The following GPRC6A variants were observed in gnomAD, a reference collection of about 807,000 sequenced individuals.
GPRC6A encodes G protein-coupled receptor family C group 6 member A.
Under a neutral mutation model 47.0 loss-of-function variants are expected in GPRC6A, and 54 were observed. That is an observed-to-expected ratio of 1.15 (90% CI 0.92 to 1.44). The LOEUF (loss-of-function observed/expected upper bound fraction) is 1.44, where lower values mean the gene tolerates loss of function less well. Among genes scored for constraint, GPRC6A ranks in the 40% most tolerant of loss-of-function variants. The pLI is 0.00. For missense variants in GPRC6A, 1,112 were observed against 1,105.5 expected (o/e 1.01, Z -0.08); for synonymous variants, 347 against 377.1 (o/e 0.92, Z 0.93).
intron 4 of GPRC6A, among the ~76,000 whole-genome samples, chr6:116,796,930 T>C (rs1011859022): frequency 6.6e-6 from 1 of 152,212 alleles, no homozygotes; most frequent in Admixed American, 6.5e-5. Context: ...ATGTGCACGA[T>C]GTGCAGGTTA....
intron 1 of GPRC6A, among the ~76,000 whole-genome samples, chr6:116,822,989 T>C (rs1773554155): frequency 6.6e-6 from 1 of 152,006 alleles, no homozygotes; most frequent in Admixed American, 6.6e-5. Context: ...GTCTCTGAAA[T>C]TCCTTTGAAG....
intron 4 of GPRC6A, among the ~76,000 whole-genome samples, chr6:116,796,307 T>C (rs1178013689): frequency 1.3e-5 from 2 of 152,000 alleles, no homozygotes; most frequent in Non-Finnish European, 2.9e-5. Context: ...CATTTTGAGT[T>C]TAAAATAAAA....
intron 1 of GPRC6A, among the ~76,000 whole-genome samples, chr6:116,818,874 A>G (rs575179337): frequency 6.6e-6 from 1 of 152,284 alleles, no homozygotes; most frequent in East Asian, 1.9e-4. Context: ...CTTTAAATGT[A>G]AATGGACTAA....
chr6:116,821,445 C>T (rs1381967043), intron 1 of GPRC6A, among the ~76,000 whole-genome samples: 2 of 152,096 alleles, frequency 1.3e-5, no homozygotes, highest in African/African-American at 4.8e-5. Flanking sequence ...CATCACGCTA[C>T]CTGACTTCAA....
At position 116,795,882 on chromosome 6, in the gene GPRC6A, A is replaced by C. The variant is rs189916740; in HGVS notation, c.1549-47T>G. On this transcript the variant is annotated intron_variant, in intron 4 of 5. Coordinates refer to ENST00000310357, the MANE Select transcript of GPRC6A (RefSeq NM_148963.4). Reference sequence around the variant, plus strand: ...AAATCACAAGTAAATTTGTAAAAAAAATTATCCTAATCGATTATCCTCGGC... The same window carrying C: ...AAATCACAAGTAAATTTGTAAAAAACATTATCCTAATCGATTATCCTCGGC... The C allele has an allele frequency of 1.0e-4, 138 of 1,316,472 alleles. 1 individual carries two copies. In the East Asian group the frequency reaches 2.2e-3, roughly 21 times the overall value. 81.5% of individuals were successfully genotyped at this position (1,316,472 alleles called of 1,614,324 possible).
intron 1 of GPRC6A, among the ~76,000 whole-genome samples, chr6:116,825,205 T>TATTCAACA (rs1271675087): frequency 6.6e-6 from 1 of 152,078 alleles, no homozygotes; most frequent in East Asian, 1.9e-4. Context: ...TCACCACTCT[T>TATTCAACA]ATTCAACATA....
chr6:116,822,813 A>G (rs1369638234), intron 1 of GPRC6A, among the ~76,000 whole-genome samples: 5 of 151,420 alleles, frequency 3.3e-5, no homozygotes, highest in Admixed American at 2.6e-4. Flanking sequence ...ATACAAATGT[A>G]ACTAACCTGT....
chr6:116,803,452 G>T (rs57484790), intron 3 of GPRC6A, among the ~76,000 whole-genome samples: 17,533 of 151,952 alleles, frequency 0.12, 1,303 homozygotes, highest in African/African-American at 0.22. Context: ...TCCATTTAAG[G>T]GGGAGTCTCT....
At chr6:116,804,424 A>G (rs576890109) in intron 3 of GPRC6A, among the ~76,000 whole-genome samples, 1 of 152,238 alleles carries the variant, frequency 6.6e-6, no homozygotes, top group Non-Finnish European at 1.5e-5. Flanking sequence ...TTAAGAATGT[A>G]TCATTGACTA....
intron 1 of GPRC6A, among the ~76,000 whole-genome samples, chr6:116,819,565 C>T (rs1334562706): frequency 2.1e-4 from 32 of 152,190 alleles, no homozygotes; most frequent in African/African-American, 4.6e-4. Flanking sequence ...CACTCAAAAC[C>T]GCTCAAATAC....
chr6:116,798,248 G>T lies in GPRC6A; in HGVS notation c.1548+2336C>A, dbSNP rs530236717. Among the ~76,000 whole-genome samples, 16 of 152,264 alleles carry T rather than the reference G, an allele frequency of 1.1e-4. No individual in the cohort carries two copies. The East Asian group carries it at 2.9e-3, about 28-fold the overall frequency. On this transcript the variant is annotated intron_variant, in intron 4 of 5. Transcript: ENST00000310357. ...TTGCAATTTTTAAATAAGTGTCCAG[G>T]GAAGCTCTCACTGAGGTGGTGACAT...
intron 3 of GPRC6A, among the ~76,000 whole-genome samples, chr6:116,802,451 T>C (rs1477931334): frequency 6.6e-6 from 1 of 152,144 alleles, no homozygotes; most frequent in Non-Finnish European, 1.5e-5. Flanking sequence ...CTGTGTATGA[T>C]AATGCCTAGT....
At chr6:116,822,107 A>G (rs1229084196) in intron 1 of GPRC6A, among the ~76,000 whole-genome samples, 4 of 146,570 alleles carry the variant, frequency 2.7e-5, no homozygotes, top group Admixed American at 6.8e-5. Context: ...CACACATGAA[A>G]AAATGCTCAT....
chr6:116,827,575 T>C (rs1773714718), intron 1 of GPRC6A, among the ~76,000 whole-genome samples: 1 of 151,874 alleles, frequency 6.6e-6, no homozygotes, highest in African/African-American at 2.4e-5. Context: ...GACAAAAAGG[T>C]AAGAGATTTT....
intron 1 of GPRC6A, among the ~76,000 whole-genome samples, chr6:116,813,485 C>A (rs1264347559): frequency 6.6e-6 from 1 of 152,074 alleles, no homozygotes; most frequent in Admixed American, 6.5e-5. Flanking sequence ...TTTGATAAAT[C>A]TGATAAAAAT....
intron 4 of GPRC6A, among the ~76,000 whole-genome samples, chr6:116,799,804 T>C (rs1220097034): frequency 2.0e-5 from 3 of 152,082 alleles, no homozygotes; most frequent in African/African-American, 4.8e-5. Context: ...AGAGAGGGTA[T>C]AAAATTACCA....
At chr6:116,807,986 C>T (rs557411882) in intron 2 of GPRC6A, among the ~76,000 whole-genome samples, 95 of 150,638 alleles carry the variant, frequency 6.3e-4, no homozygotes, top group Middle Eastern at 3.4e-3. Flanking sequence ...TTTTTCTTTT[C>T]TTTCGTTCCT....
chr6:116,822,142 A>C (rs1279817194), intron 1 of GPRC6A, among the ~76,000 whole-genome samples: 41 of 142,666 alleles, frequency 2.9e-4, no homozygotes, highest in Non-Finnish European at 6.1e-4. Context: ...AGAGAAATGC[A>C]AATCAAAACC....
In GPRC6A at chr6:116,809,593, T is replaced by C. The variant is rs373303273; in HGVS notation, c.219A>G (p.Gln73=). The C allele has an allele frequency of 2.5e-6, 4 of 1,608,622 alleles. No individual in the cohort carries two copies. In the African/African-American group the frequency reaches 5.3e-5, roughly 22 times the overall value. ...CVGFEISVFL[Q]TLAMIHSIEM... ...CAATGCTGTGTATCATGGCAAGAGT[T>C]TGAAGAAAAACTGATATTTCAAAGC... Residue 73 remains glutamine (Q), a synonymous_variant, in exon 2 of 6, where the codon CAA becomes CAG. Coordinates refer to ENST00000310357, the MANE Select transcript of GPRC6A (RefSeq NM_148963.4).
Sources: allele counts gnomAD v4.1 joint callset (sites outside exome capture counted in the v4.1 genomes callset), GRCh38; gene constraint gnomAD v4.1.1; transcripts MANE v1.5; gene names NCBI Gene and HGNC (gene_info 2026-07-23, HGNC 2026-07-21).